Variants in CUL2 observed in about 807,000 individuals in gnomAD.
CUL2 encodes cullin 2.
CUL2 carries 22 observed loss-of-function variants against 110.2 expected under a neutral mutation model. The ratio of observed to expected loss-of-function variants is 0.20; its 90% CI spans 0.14 to 0.28. The LOEUF (loss-of-function observed/expected upper bound fraction) is 0.28. CUL2 is among the 10% of genes least tolerant of loss of function. The probability of loss-of-function intolerance (pLI) is 1.00; values close to 1 mark genes in which losing one functional copy is unlikely to be tolerated. For missense variants in CUL2, 631 were observed against 905.5 expected, an observed-to-expected ratio of 0.70 and a Z score of 3.89; for synonymous variants, 279 against 293.2, an observed-to-expected ratio of 0.95 and a Z score of 0.49.
intron 9 of CUL2, among the ~76,000 whole-genome samples, chr10:35,037,560 A>C (rs1397300841): frequency 1.3e-5 from 2 of 152,198 alleles, no homozygotes; most frequent in African/African-American, 4.8e-5. Flanking sequence ...TGTAAAAAAC[A>C]CGGGGCCAAG....
intron 5 of CUL2, among the ~76,000 whole-genome samples, 187 bp from the exon 6 acceptor site, chr10:35,049,952 T>C (rs1488067460): frequency 6.6e-6 from 1 of 152,178 alleles, no homozygotes; most frequent in Non-Finnish European, 1.5e-5. Flanking sequence ...GAAATATCAG[T>C]GACCACTCTA....
chr10:35,073,580 CTTTTCTTTTTTT>C (rs1191739844), intron 1 of CUL2, among the ~76,000 whole-genome samples: 11 of 150,796 alleles, frequency 7.3e-5, no homozygotes, highest in African/African-American at 4.9e-5. Context: ...ATTTTCTTTT[CTTTTCTTTTTTT>C]TTTTCTTTTT....
At chr10:35,047,543 G>C (rs1221313506) in intron 6 of CUL2, among the ~76,000 whole-genome samples, 1 of 148,884 alleles carries the variant, frequency 6.7e-6, no homozygotes, top group Admixed American at 6.8e-5. Flanking sequence ...CCAGCAGGCA[G>C]AAGTTGCAAT....
chr10:35,107,124 A>G (rs1285086072), intron 1 of CUL2, among the ~76,000 whole-genome samples: 3 of 151,834 alleles, frequency 2.0e-5, no homozygotes, highest in Non-Finnish European at 2.9e-5. Context: ...ACATGCGCCC[A>G]CCACCGTGCC....
chr10:35,055,061 T>C (rs1050209638), intron 4 of CUL2, among the ~76,000 whole-genome samples: 2 of 152,172 alleles, frequency 1.3e-5, no homozygotes, highest in Non-Finnish European at 2.9e-5. Context: ...AAATGAATTA[T>C]ACTAAAAATG....
chr10:35,126,152 T>C (rs2087806535), intron 1 of CUL2, among the ~76,000 whole-genome samples: 1 of 149,806 alleles, frequency 6.7e-6, no homozygotes, highest in South Asian at 2.1e-4. Context: ...AGAGATGAAG[T>C]CTCACTGTGT....
intron 9 of CUL2, among the ~76,000 whole-genome samples, chr10:35,035,712 T>C (rs746952358): frequency 5.9e-5 from 9 of 152,208 alleles, no homozygotes; most frequent in Non-Finnish European, 1.3e-4. Flanking sequence ...TTAGGTGGTT[T>C]CCAGTCTCTT....
chr10:35,017,983 T>G (rs1564696128), intron 17 of CUL2, among the ~76,000 whole-genome samples: 2 of 151,330 alleles, frequency 1.3e-5, no homozygotes, highest in Non-Finnish European at 2.9e-5. Context: ...ATTATTTGAT[T>G]GTTGAATGGA....
chr10:35,062,691 G>A (rs948699956), intron 3 of CUL2, among the ~76,000 whole-genome samples: 10 of 146,800 alleles, frequency 6.8e-5, no homozygotes, highest in African/African-American at 2.5e-4. Flanking sequence ...AAAAAAAATT[G>A]CCAGGTGTGG....
chr10:35,019,980 T>A (rs573688228), intron 17 of CUL2, among the ~76,000 whole-genome samples: 7 of 152,140 alleles, frequency 4.6e-5, no homozygotes, highest in African/African-American at 1.4e-4. Context: ...ACCGCCTTCA[T>A]CAAGTGACCA....
chr10:35,080,512 C>G (rs549188898), intron 1 of CUL2, among the ~76,000 whole-genome samples: 1 of 151,594 alleles, frequency 6.6e-6, no homozygotes, highest in South Asian at 2.1e-4. Context: ...TCACCCAGTG[C>G]AGTGGTGTGA....
At chr10:35,086,470 T>C (rs1285727571) in intron 1 of CUL2, among the ~76,000 whole-genome samples, 1 of 152,042 alleles carries the variant, frequency 6.6e-6, no homozygotes, top group African/African-American at 2.4e-5. Flanking sequence ...GTATTTTTTG[T>C]ACAGACAGGG....
intron 16 of CUL2, among the ~76,000 whole-genome samples, chr10:35,027,847 C>G (rs1377614363): frequency 6.6e-6 from 1 of 152,132 alleles, no homozygotes; most frequent in Non-Finnish European, 1.5e-5. Context: ...AACTCACTTC[C>G]TATTTGTAAA....
chr10:35,018,001 T>G (rs1454938204), intron 17 of CUL2, among the ~76,000 whole-genome samples: 1 of 151,012 alleles, frequency 6.6e-6, no homozygotes, highest in East Asian at 2.0e-4. Flanking sequence ...GGATTATAAA[T>G]GAAATTGGGC....
chr10:35,021,570 C>T (rs981865873), intron 17 of CUL2, among the ~76,000 whole-genome samples: 45 of 151,378 alleles, frequency 3.0e-4, no homozygotes, highest in Admixed American at 2.6e-3. Context: ...AAATAAAAAC[C>T]CATTTCATTT....
rs1203142114 is a variant in CUL2, at chr10:35,046,790, G to C, written c.507-1922C>G. 2.6e-5 allele frequency among the ~76,000 whole-genome samples: 4 copies of C among 152,234 alleles called. No homozygotes were observed. The East Asian group carries it at 5.8e-4, about 22-fold the overall frequency. On this transcript the variant is annotated intron_variant, in intron 6 of 20. Transcript: ENST00000374749. ...GTCTATAATCCCAGCTGCTCAGGAG[G>C]CTGAGGTAGGAAAATTGGCTTGAAC... is the stretch of plus-strand genomic sequence containing the variant.
At chr10:35,088,604 T>C (rs1238152350) in intron 1 of CUL2, among the ~76,000 whole-genome samples, 1 of 150,270 alleles carries the variant, frequency 6.7e-6, no homozygotes, top group Non-Finnish European at 1.5e-5. Context: ...TTAATAAATA[T>C]CTGTCAACTG....
chr10:35,093,905 T>C (rs955248762), upstream of CUL2, among the ~76,000 whole-genome samples: 1 of 152,102 alleles, frequency 6.6e-6, no homozygotes, highest in African/African-American at 2.4e-5. Context: ...TTTTTTTATT[T>C]TGGAAAATAT....
chr10:35,024,848 G>T (rs900119634), intron 17 of CUL2, among the ~76,000 whole-genome samples: 4 of 152,246 alleles, frequency 2.6e-5, no homozygotes, highest in Non-Finnish European at 5.9e-5. Context: ...TCAAATGTGA[G>T]TTTCTAAATA....
Sources: gnomAD v4.1 joint callset for allele counts (sites outside exome capture counted in the v4.1 genomes callset) on GRCh38, gnomAD v4.1.1 for gene constraint, MANE v1.5 for transcripts, NCBI Gene and HGNC (gene_info 2026-07-23, HGNC 2026-07-21) for gene names.